EVC: variants seen among roughly 807,000 people sequenced by gnomAD.
The protein encoded by EVC is EvC ciliary complex subunit 1, also known as evC complex member EVC.
In EVC, 116 loss-of-function variants were observed where a neutral mutation model predicts 118.9. The observed-to-expected ratio is 0.98, with a 90% confidence interval of 0.84 to 1.14. The LOEUF is 1.14. Among genes scored for constraint, EVC ranks in the 50% most tolerant of loss-of-function variants. The pLI, the probability that EVC is intolerant of heterozygous loss-of-function variation, is 0.00. For missense variants in EVC, 1,401 were observed against 1,246.4 expected (o/e 1.12, Z -1.87); for synonymous variants, 619 against 534.7 (o/e 1.16, Z -2.18).
chr4:5,823,900 A>G, the EVC span, among the ~76,000 whole-genome samples: 1 of 152,222 alleles, frequency 6.6e-6, no homozygotes, highest in Non-Finnish European at 1.5e-5. Context: ...ATACGCAGAT[A>G]TTAAAAAGGG....
In EVC at chr4:5,755,909, C is replaced by T. The variant is rs73075503; in HGVS notation, c.1465-355C>T. 0.029 allele frequency among the ~76,000 whole-genome samples: 4,363 copies of T among 152,274 alleles called. 226 individuals are homozygous for T. The highest frequency in any genetic ancestry group is 0.098 in the African/African-American group (4,057 of 41,540). On this transcript the variant is annotated intron_variant, in intron 10 of 20. Coordinates refer to ENST00000264956, the MANE Select transcript of EVC (RefSeq NM_153717.3). This position sits in a 1 kb window ranked among gnomAD's most constrained non-coding sequence, Gnocchi z 4.1. ...GACCTCCAATCGCCAGTCTGTGTCA[C>T]CCCTGCTGGGTTCCCATCAGTGGGT...
Position 5,753,775 on chromosome 4 carries a change from T to A in EVC, c.1316-10T>A, listed in dbSNP as rs1730755993. The A allele has an allele frequency of 2.5e-6, 4 of 1,614,064 alleles. No individual in the cohort carries two copies. In the African/African-American group the frequency reaches 5.3e-5, roughly 22 times the overall value. On this transcript the variant is annotated splice_polypyrimidine_tract_variant and intron_variant, in intron 9 of 20. Coordinates refer to ENST00000264956, the MANE Select transcript of EVC (RefSeq NM_153717.3). ...GTCACCTCCTATGCTGTGGCTTTTT[T>A]CAATCCCAGAGTTTGTCCAGCGAGG...
At chr4:5,730,658 C>T (rs1552058) in intron 3 of EVC, among the ~76,000 whole-genome samples, 1 of 151,606 alleles carries the variant, frequency 6.6e-6, no homozygotes, top group Non-Finnish European at 1.5e-5. Context: ...AGAGGCAGAT[C>T]CCCAGGGACC....
At chr4:5,716,749 A>C (rs879609259) in intron 1 of EVC, among the ~76,000 whole-genome samples, 1 of 152,242 alleles carries the variant, frequency 6.6e-6, no homozygotes, top group Non-Finnish European at 1.5e-5. Flanking sequence ...GAAGAAAGTC[A>C]GGATTTTCCT....
intron 5 of EVC, among the ~76,000 whole-genome samples, chr4:5,740,949 C>T (rs1728473300): frequency 6.6e-6 from 1 of 152,128 alleles, no homozygotes; most frequent in South Asian, 2.1e-4. Flanking sequence ...CAAATTCTGG[C>T]AAAGATGTGG....
Position 5,737,594 on chromosome 4 carries a change from A to G in EVC, c.703-4122A>G, listed in dbSNP as rs1727897681. The stretch of plus-strand genomic sequence containing the variant: ...AAGCCAGTGCTCATGCACCACTCCG[A>G]AAGTCCTAGGGCCCTTAAGGGTGAT... On this transcript the variant is annotated intron_variant, in intron 5 of 20. Transcript: ENST00000264956. The surrounding 1 kb of genome is among the most constrained non-coding windows in gnomAD (Gnocchi z 5.0). Among the ~76,000 whole-genome samples, 1 of 152,212 alleles carries G rather than the reference A, an allele frequency of 6.6e-6. No individual in the cohort carries two copies. Among genetic ancestry groups the G allele is most frequent in the African/African-American group, 2.4e-5 (1 of 41,446 alleles).
At chr4:5,716,615 A>G (rs1724004111) in intron 1 of EVC, among the ~76,000 whole-genome samples, 1 of 152,200 alleles carries the variant, frequency 6.6e-6, no homozygotes, top group African/African-American at 2.4e-5. Context: ...ACTCAGGGAC[A>G]TATGTTAAGA....
intron 2 of EVC, among the ~76,000 whole-genome samples, chr4:5,725,819 A>G (rs139383618): frequency 0.011 from 1,667 of 151,942 alleles, 28 homozygotes; most frequent in African/African-American, 0.038. Context: ...TATTGCCTAG[A>G]TTTTCTTCTA....
Position 5,748,114 on chromosome 4 carries a change from A to T in EVC, c.940-34A>T, listed in dbSNP as rs767977504. 17 of 1,613,742 alleles carry T rather than the reference A, an allele frequency of 1.1e-5. No individual in the cohort carries two copies. The African/African-American group carries it at 1.6e-4, about 15-fold the overall frequency. ...TTTGGCTTTCTTAAGTAAGTTTTTC[A>T]CCTCACTTCTTGCTGCTTGTGCTCA... On this transcript the variant is annotated intron_variant, in intron 7 of 20. Coordinates refer to ENST00000264956, the MANE Select transcript of EVC (RefSeq NM_153717.3).
At chr4:5,808,988 A>G (rs1480041440) in intron 18 of EVC, among the ~76,000 whole-genome samples, 2 of 152,168 alleles carry the variant, frequency 1.3e-5, no homozygotes, top group Non-Finnish European at 2.9e-5. Flanking sequence ...GTACTTATTG[A>G]GGGTCTATGA....
chr4:5,741,346 A>AC (rs1488689230), intron 5 of EVC, among the ~76,000 whole-genome samples: 1 of 152,184 alleles, frequency 6.6e-6, no homozygotes, highest in African/African-American at 2.4e-5. Flanking sequence ...CCATACAACT[A>AC]TCCCGCTGAT....
intron 1 of EVC, among the ~76,000 whole-genome samples, chr4:5,715,855 T>G (rs1413596000): frequency 6.6e-6 from 1 of 151,458 alleles, no homozygotes; most frequent in East Asian, 2.0e-4. Flanking sequence ...GCAATTCTTC[T>G]GCCTCAGCCT....
chr4:5,823,149 A>G, the EVC span, among the ~76,000 whole-genome samples: 15 of 152,194 alleles, frequency 9.9e-5, no homozygotes, highest in African/African-American at 3.6e-4. Context: ...AATTTGGAGT[A>G]AGACACCACC....
At chr4:5,769,405 G>A (rs954430191) in intron 11 of EVC, among the ~76,000 whole-genome samples, 8 of 152,134 alleles carry the variant, frequency 5.3e-5, no homozygotes, top group African/African-American at 1.9e-4. Context: ...GATTTAGGTG[G>A]GGACACAGCT....
At chr4:5,752,112 T>G (rs1191059045) in intron 8 of EVC, among the ~76,000 whole-genome samples, 1 of 151,990 alleles carries the variant, frequency 6.6e-6, no homozygotes, top group Non-Finnish European at 1.5e-5. Flanking sequence ...CAGAGGTGCC[T>G]AGGCCTGAGC....
chr4:5,798,527 G>C lies in EVC; in HGVS notation c.2098-59G>C. 4 of 1,522,792 alleles carry C rather than the reference G, an allele frequency of 2.6e-6. No homozygotes were observed. The highest frequency in any genetic ancestry group is 2.3e-4 in the Middle Eastern group (1 of 4,346). 94.3% of individuals were successfully genotyped at this position (1,522,792 alleles called of 1,614,324 possible). The stretch of plus-strand genomic sequence containing the variant: ...GGACCAGCCCCACATCCCAGTCCTG[G>C]CCAGAGCTTCTCTGTGAGAGGAGCA... On this transcript the variant is annotated intron_variant, in intron 14 of 20. Coordinates refer to ENST00000264956, the MANE Select transcript of EVC (RefSeq NM_153717.3). The surrounding 1 kb of genome is among the most constrained non-coding windows in gnomAD (Gnocchi z 4.1).
At chr4:5,815,500 C>T (rs115717438), downstream of EVC, among the ~76,000 whole-genome samples, 2,933 of 152,128 alleles carry the variant, frequency 0.019, 38 homozygotes, top group Non-Finnish European at 0.028. Context: ...GAGGGTAAAG[C>T]GTGATTTATA....
the EVC span, among the ~76,000 whole-genome samples, chr4:5,829,029 A>T: frequency 3.9e-5 from 6 of 152,108 alleles, no homozygotes; most frequent in East Asian, 5.8e-4. Flanking sequence ...TTTAAATAAA[A>T]TTTTTTTCTC....
chr4:5,794,207 CTTCT>C (rs61107389), intron 13 of EVC, among the ~76,000 whole-genome samples: 31,358 of 141,412 alleles, frequency 0.22, 3,727 homozygotes, highest in Non-Finnish European at 0.25. Flanking sequence ...TATTTTTTTC[CTTCT>C]TTCATTATGA....
Sources: allele counts gnomAD v4.1 joint callset (sites outside exome capture counted in the v4.1 genomes callset), GRCh38; gene constraint gnomAD v4.1.1; non-coding constraint Gnocchi (gnomAD v3.1); transcripts MANE v1.5; gene names NCBI Gene and HGNC (gene_info 2026-07-23, HGNC 2026-07-21).